KHDC1: variants seen among roughly 807,000 people sequenced by gnomAD.
KHDC1 encodes KH domain containing 1.
A neutral mutation model predicts 24.7 loss-of-function variants in KHDC1; 21 were observed. The ratio of observed to expected loss-of-function variants is 0.85; its 90% CI spans 0.60 to 1.23. The LOEUF is 1.23. Among genes scored for constraint, KHDC1 ranks in the 50% most tolerant of loss-of-function variants. The pLI, the probability that KHDC1 is intolerant of heterozygous loss-of-function variation, is 0.00. For missense variants in KHDC1, 274 were observed against 298.5 expected, an observed-to-expected ratio of 0.92 and a Z score of 0.61; for synonymous variants, 98 against 111.7, an observed-to-expected ratio of 0.88 and a Z score of 0.77.
intron 2 of KHDC1, 125 bp from the exon 2 acceptor site, chr6:73,242,655 G>GGGTGTACAA (rs1409157156): frequency 4.5e-6 from 5 of 1,115,268 alleles, no homozygotes; most frequent in Non-Finnish European, 6.3e-6. Context: ...ACCTTAGGGT[G>GGGTGTACAA]GGTGTACAAT....
At chr6:73,309,237 A>C (rs188477629) in intron 1 of KHDC1, among the ~76,000 whole-genome samples, 1 of 152,334 alleles carries the variant, frequency 6.6e-6, no homozygotes. Context: ...AAAGAGATTT[A>C]GTGGAAGATG....
chr6:73,299,973 T>C (rs1767837948), intron 1 of KHDC1: 1 of 152,236 alleles, frequency 6.6e-6, no homozygotes, highest in Non-Finnish European at 1.5e-5. Flanking sequence ...CCCCACCTTC[T>C]CAGGATCGGA....
At chr6:73,245,896 G>A (rs1766655885) in intron 2 of KHDC1, among the ~76,000 whole-genome samples, 1 of 152,098 alleles carries the variant, frequency 6.6e-6, no homozygotes, top group African/African-American at 2.4e-5. Context: ...GCAGACAATG[G>A]CTAGAACGTA....
rs1767681500 is a variant in KHDC1, at chr6:73,292,844, ATTAACT to A, written c.164-810_164-805del. The stretch of plus-strand genomic sequence containing the variant: ...TACAGAATTTGTTGAATGCTTATAG[ATTAACT>A]TTGACTTAGATGGGGCTAAGAAAAA... On this transcript the variant is annotated intron_variant, in intron 1 of 4. Coordinates refer to ENST00000370384, the Ensembl canonical transcript of KHDC1. 8.4e-6 allele frequency: 6 copies of A among 712,464 alleles called. No individual in the cohort carries two copies. The East Asian group carries it at 1.2e-4, about 14-fold the overall frequency. 44.1% of individuals were successfully genotyped at this position (712,464 alleles called of 1,614,324 possible).
chr6:73,278,009 GTTTTTTTT>G (rs70994182), intron 2 of KHDC1, among the ~76,000 whole-genome samples: 2 of 106,352 alleles, frequency 1.9e-5, no homozygotes, highest in South Asian at 3.0e-4. Context: ...TCTCTCGGGT[GTTTTTTTT>G]TTTTTTTTTT....
chr6:73,279,675 G>A (rs961435536), intron 2 of KHDC1, among the ~76,000 whole-genome samples: 1 of 148,732 alleles, frequency 6.7e-6, no homozygotes, highest in Non-Finnish European at 1.5e-5. Flanking sequence ...GACCTCTTAG[G>A]CTCGAGCAAT....
intron 2 of KHDC1, among the ~76,000 whole-genome samples, chr6:73,257,641 C>T (rs1766904620): frequency 6.6e-6 from 1 of 152,004 alleles, no homozygotes; most frequent in African/African-American, 2.4e-5. Flanking sequence ...TCGTGATCCA[C>T]CTGCCTCGGC....
intron 2 of KHDC1, among the ~76,000 whole-genome samples, chr6:73,250,401 A>G (rs1176305765): frequency 6.6e-6 from 1 of 152,276 alleles, no homozygotes; most frequent in Non-Finnish European, 1.5e-5. Context: ...GACACAAAAA[A>G]GAACTTGTCT....
exon 5 of KHDC1, chr6:73,241,480 C>T (rs1766564100): frequency 3.2e-6 from 5 of 1,575,902 alleles, no homozygotes; most frequent in Non-Finnish European, 4.4e-6. Context: ...AAAAGTGAAG[C>T]CAAGATTTCT....
At chr6:73,259,920 G>A (rs1309945990) in intron 2 of KHDC1, among the ~76,000 whole-genome samples, 7 of 152,164 alleles carry the variant, frequency 4.6e-5, no homozygotes, top group African/African-American at 1.7e-4. Flanking sequence ...TTATCTGGCT[G>A]TTTCTCTTGC....
intron 2 of KHDC1, chr6:73,291,876 A>G (rs917883980): frequency 2.8e-6 from 3 of 1,056,720 alleles, no homozygotes; most frequent in Non-Finnish European, 1.4e-6. Flanking sequence ...TACACAATAC[A>G]TTCATGTAAC....
At chr6:73,257,969 A>G (rs1313430759) in intron 2 of KHDC1, among the ~76,000 whole-genome samples, 2 of 152,130 alleles carry the variant, frequency 1.3e-5, no homozygotes, top group East Asian at 3.9e-4. Context: ...ATAAAAATAA[A>G]TTGTGCCAGG....
intron 2 of KHDC1, among the ~76,000 whole-genome samples, chr6:73,289,813 C>T (rs1767605505): frequency 6.6e-6 from 1 of 151,560 alleles, no homozygotes; most frequent in African/African-American, 2.4e-5. Flanking sequence ...AAAAAATTAG[C>T]CAGGCGGCCG....
At chr6:73,249,933 A>G (rs1039340834) in intron 2 of KHDC1, among the ~76,000 whole-genome samples, 2 of 152,136 alleles carry the variant, frequency 1.3e-5, no homozygotes, top group African/African-American at 4.8e-5. Context: ...GAGTACTTAA[A>G]AAGCAGGAAT....
chr6:73,265,394 T>C (rs1767060711), intron 2 of KHDC1, among the ~76,000 whole-genome samples: 2 of 151,840 alleles, frequency 1.3e-5, no homozygotes, highest in Admixed American at 6.6e-5. Flanking sequence ...TCGGGCATGA[T>C]GGTGGGTGCC....
chr6:73,262,999 TG>T, intron 2 of KHDC1: 1 of 1,013,388 alleles, frequency 9.9e-7, no homozygotes, highest in South Asian at 4.0e-5. Flanking sequence ...ATGAAGGAGG[TG>T]AGGGTGGCGC....
intron 2 of KHDC1, among the ~76,000 whole-genome samples, chr6:73,262,089 A>G (rs1766991804): frequency 6.6e-6 from 1 of 152,138 alleles, no homozygotes; most frequent in African/African-American, 2.4e-5. Flanking sequence ...AAAAAAAAAA[A>G]AGCATAGACT....
At chr6:73,258,834 G>A (rs1761135050) in intron 2 of KHDC1, among the ~76,000 whole-genome samples, 1 of 152,208 alleles carries the variant, frequency 6.6e-6, no homozygotes, top group Admixed American at 6.5e-5. Context: ...TGAGTGCAAG[G>A]CTGTGAGCCT....
At chr6:73,289,827 G>A (rs1343067643) in intron 2 of KHDC1, among the ~76,000 whole-genome samples, 3 of 151,192 alleles carry the variant, frequency 2.0e-5, no homozygotes, top group Non-Finnish European at 4.4e-5. Context: ...GCGGCCGGGC[G>A]CGGTGGCTCA....
Sources: gnomAD v4.1 joint callset for allele counts (sites outside exome capture counted in the v4.1 genomes callset) on GRCh38, gnomAD v4.1.1 for gene constraint, MANE v1.5 for transcripts, NCBI Gene and HGNC (gene_info 2026-07-23, HGNC 2026-07-21) for gene names.